Variants in MIS18A observed in about 807,000 individuals in gnomAD.
MIS18A encodes the protein protein Mis18-alpha.
A neutral mutation model predicts 25.0 loss-of-function variants in MIS18A; 14 were observed. The ratio of observed to expected loss-of-function variants is 0.56; its 90% CI spans 0.37 to 0.88. MIS18A has a LOEUF of 0.88. Among genes scored for constraint, MIS18A ranks in the 40% least tolerant of loss-of-function variants. MIS18A has a pLI of 0.00. For synonymous variants in MIS18A, 134 were observed against 118.6 expected, an observed-to-expected ratio of 1.13 and a Z score of -0.84; for missense variants, 292 against 290.8, an observed-to-expected ratio of 1.00 and a Z score of -0.03.
chr21:32,236,768 C>T, the MIS18A span, among the ~76,000 whole-genome samples: 1 of 152,140 alleles, frequency 6.6e-6, no homozygotes, highest in Non-Finnish European at 1.5e-5. Context: ...AAATACACAG[C>T]CACATCTACC....
the MIS18A span, among the ~76,000 whole-genome samples, chr21:32,252,843 A>G: frequency 6.6e-6 from 1 of 152,188 alleles, no homozygotes; most frequent in Admixed American, 6.5e-5. Context: ...TTGTTTAGGG[A>G]TCCCAGAGAA....
the MIS18A span, among the ~76,000 whole-genome samples, chr21:32,217,268 T>C: frequency 6.6e-6 from 1 of 152,052 alleles, no homozygotes; most frequent in Non-Finnish European, 1.5e-5. Flanking sequence ...TTTCACTATA[T>C]AGAGAATACC....
At chr21:32,258,304 G>A in the MIS18A span, among the ~76,000 whole-genome samples, 5 of 151,900 alleles carry the variant, frequency 3.3e-5, no homozygotes, top group Non-Finnish European at 7.4e-5. Context: ...TTTTAGGGAC[G>A]AATACCGAAA....
chr21:32,194,655 G>A, the MIS18A span, among the ~76,000 whole-genome samples: 22,615 of 149,950 alleles, frequency 0.15, 1,784 homozygotes, highest in East Asian at 0.24. Flanking sequence ...GCAAAACTCC[G>A]TCTCGAATTA....
At chr21:32,213,807 C>T in the MIS18A span, among the ~76,000 whole-genome samples, 121 of 152,268 alleles carry the variant, frequency 7.9e-4, no homozygotes, top group African/African-American at 2.9e-3. Context: ...CCTTGCATTC[C>T]TTGGCTTGTG....
chr21:32,160,567 T>C, the MIS18A span, among the ~76,000 whole-genome samples: 5 of 151,994 alleles, frequency 3.3e-5, no homozygotes, highest in African/African-American at 9.7e-5. Context: ...AGATAAACAT[T>C]GGTTTGGTCC....
chr21:32,259,247 C>T, the MIS18A span, among the ~76,000 whole-genome samples: 1 of 152,118 alleles, frequency 6.6e-6, no homozygotes, highest in Non-Finnish European at 1.5e-5. Context: ...GAAGGGTTGG[C>T]CAGGTCTCCT....
chr21:32,220,682 C>T, the MIS18A span, among the ~76,000 whole-genome samples: 8 of 152,056 alleles, frequency 5.3e-5, no homozygotes, highest in South Asian at 8.3e-4. Context: ...CAAACTCCTC[C>T]GAGCTAAAAG....
chr21:32,187,872 A>G, the MIS18A span, among the ~76,000 whole-genome samples: 1 of 151,888 alleles, frequency 6.6e-6, no homozygotes, highest in Non-Finnish European at 1.5e-5. Context: ...GAAATTCCCA[A>G]CCCCCAGTGT....
At chr21:32,235,922 G>T in the MIS18A span, among the ~76,000 whole-genome samples, 1 of 152,168 alleles carries the variant, frequency 6.6e-6, no homozygotes, top group African/African-American at 2.4e-5. Flanking sequence ...CCTTCCCTTT[G>T]AAGAGTGTCC....
chr21:32,162,777 CA>C, the MIS18A span, among the ~76,000 whole-genome samples: 1 of 152,042 alleles, frequency 6.6e-6, no homozygotes, highest in African/African-American at 2.4e-5. Context: ...AACAATCTTC[CA>C]AGCAGGAACG....
the MIS18A span, among the ~76,000 whole-genome samples, chr21:32,156,656 C>T: frequency 1.3e-5 from 2 of 152,124 alleles, no homozygotes; most frequent in East Asian, 1.9e-4. Context: ...ATGTTCTGGT[C>T]CCAGGAAGCG....
intron 2 of MIS18A, 120 bp from the exon 3 acceptor site, chr21:32,270,649 G>A (rs746629641): frequency 9.5e-7 from 1 of 1,048,556 alleles, no homozygotes. Context: ...ACCACACTAG[G>A]TCATACATAA....
chr21:32,224,383 C>T, the MIS18A span, among the ~76,000 whole-genome samples: 2 of 151,364 alleles, frequency 1.3e-5, no homozygotes, highest in South Asian at 2.1e-4. Flanking sequence ...AAAACCCCAT[C>T]GTCTCAGCCC....
chr21:32,172,530 T>C, the MIS18A span, among the ~76,000 whole-genome samples: 11 of 152,136 alleles, frequency 7.2e-5, no homozygotes, highest in South Asian at 1.5e-3. Flanking sequence ...AATTGATGTA[T>C]AGCTTCAAAG....
the MIS18A span, among the ~76,000 whole-genome samples, chr21:32,162,170 C>T: frequency 2.2e-4 from 33 of 152,204 alleles, 1 homozygote; most frequent in Middle Eastern, 6.8e-3. Flanking sequence ...AGTTTCTGCC[C>T]ACACCATTAC....
At chr21:32,271,290 T>C (rs1478991604) in intron 2 of MIS18A, among the ~76,000 whole-genome samples, 1 of 152,220 alleles carries the variant, frequency 6.6e-6, no homozygotes, top group Non-Finnish European at 1.5e-5. Flanking sequence ...CTAGTAGTGA[T>C]CACAGTAGTA....
chr21:32,228,748 G>A, the MIS18A span, among the ~76,000 whole-genome samples: 2 of 152,026 alleles, frequency 1.3e-5, no homozygotes, highest in African/African-American at 2.4e-5. Context: ...AAATTAAAAA[G>A]CAATTCCATT....
the MIS18A span, among the ~76,000 whole-genome samples, chr21:32,204,223 G>C: frequency 6.6e-6 from 1 of 152,054 alleles, no homozygotes; most frequent in Non-Finnish European, 1.5e-5. Context: ...GGAAGGCCAG[G>C]CACAGTGGCT....
Sources: allele counts gnomAD v4.1 joint callset (sites outside exome capture counted in the v4.1 genomes callset), GRCh38; gene constraint gnomAD v4.1.1; transcripts MANE v1.5; gene names NCBI Gene and HGNC (gene_info 2026-07-23, HGNC 2026-07-21).